KCNK2: variants seen among roughly 807,000 people sequenced by gnomAD.
The protein encoded by KCNK2 is potassium channel subfamily K member 2.
In KCNK2, 21 loss-of-function variants were observed where a neutral mutation model predicts 40.5. The ratio of observed to expected loss-of-function variants is 0.52; its 90% CI spans 0.37 to 0.75. The LOEUF (loss-of-function observed/expected upper bound fraction) is 0.75, where lower values mean the gene tolerates loss of function less well. Among genes scored for constraint, KCNK2 ranks in the 30% least tolerant of loss-of-function variants. The pLI is 0.00. For missense variants in KCNK2, 399 were observed against 531.6 expected, an observed-to-expected ratio of 0.75 and a Z score of 2.45; for synonymous variants, 191 against 202.2, an observed-to-expected ratio of 0.94 and a Z score of 0.47.
chr1:215,068,566 C>A (rs1658638658), intron 1 of KCNK2, among the ~76,000 whole-genome samples: 1 of 152,034 alleles, frequency 6.6e-6, no homozygotes, highest in South Asian at 2.1e-4. Flanking sequence ...GGGGTAGATA[C>A]AAAAACAAAC....
In KCNK2 at chr1:215,163,860, G is replaced by A. The variant is rs372273768; in HGVS notation, c.476-5339G>A. Among the ~76,000 whole-genome samples the A allele has an allele frequency of 2.6e-4, 40 of 152,202 alleles. 1 individual carries two copies. The South Asian group carries it at 7.9e-3, about 30-fold the overall frequency. Reference sequence around the variant, plus strand: ...GGATTTTTGCCTCGATGTTCATCAGGGATATTGGCCTGAATTTTTTTTGGC... The same window carrying A: ...GGATTTTTGCCTCGATGTTCATCAGAGATATTGGCCTGAATTTTTTTTGGC... On this transcript the variant is annotated intron_variant, in intron 3 of 6. Coordinates refer to ENST00000444842, the MANE Select transcript of KCNK2 (RefSeq NM_001017425.3).
chr1:215,093,469 C>T (rs1483906921), intron 2 of KCNK2, among the ~76,000 whole-genome samples: 3 of 103,830 alleles, frequency 2.9e-5, no homozygotes, highest in Non-Finnish European at 5.3e-5. Context: ...ATATAATGTA[C>T]ATATAATATA....
intron 1 of KCNK2, among the ~76,000 whole-genome samples, chr1:215,049,630 T>C (rs1657912456): frequency 6.6e-6 from 1 of 152,194 alleles, no homozygotes; most frequent in Non-Finnish European, 1.5e-5. Flanking sequence ...CTCTACATGT[T>C]ACAGTGAGGC....
In KCNK2 at chr1:215,010,868, T is replaced by TTG. The variant is rs1310617219; in HGVS notation, c.34+4941_34+4942dup. Among the ~76,000 whole-genome samples the TTG allele has an allele frequency of 2.6e-3, 351 of 135,700 alleles. 3 individuals carry two copies. The highest frequency in any genetic ancestry group is 0.019 in the East Asian group (88 of 4,544). 89.0% of individuals were successfully genotyped at this position (135,700 alleles called of 152,430 possible). On this transcript the variant is annotated intron_variant, in intron 1 of 6. Coordinates refer to the KCNK2 transcript ENST00000391895. Reference sequence around the variant, plus strand: ...GGACACAGATTTTTTTTTTTTTTTTTTGTGTGTGTGTGTGTGTGTGTGTGT... The same window carrying TTG: ...GGACACAGATTTTTTTTTTTTTTTTTTGTGTGTGTGTGTGTGTGTGTGTGTGT...
intron 2 of KCNK2, among the ~76,000 whole-genome samples, chr1:215,106,569 G>C (rs1352644646): frequency 6.6e-6 from 1 of 151,888 alleles, no homozygotes; most frequent in Non-Finnish European, 1.5e-5. Flanking sequence ...TTCTTTTCCT[G>C]GGCAGAAGCT....
chr1:215,230,583 CGTA>C (rs1558150416), intron 6 of KCNK2, among the ~76,000 whole-genome samples: 3 of 13,988 alleles, frequency 2.1e-4, no homozygotes, highest in East Asian at 1.7e-3. Context: ...TATACAAGAC[CGTA>C]ATATATATAT....
intron 3 of KCNK2, among the ~76,000 whole-genome samples, chr1:215,125,739 A>AATATATATATATATAT (rs66622204): frequency 1.6e-5 from 2 of 124,326 alleles, no homozygotes; most frequent in Non-Finnish European, 3.3e-5. Context: ...AAGTATAATA[A>AATATATATATATATAT]ATATATATAT....
At chr1:215,065,010 T>C (rs1658488526) in intron 1 of KCNK2, among the ~76,000 whole-genome samples, 2 of 152,214 alleles carry the variant, frequency 1.3e-5, no homozygotes, top group Admixed American at 6.6e-5. Context: ...TCTTTGAAAG[T>C]AATACAGGAT....
At position 215,054,500 on chromosome 1, in the gene KCNK2, T is replaced by C. The variant is rs145924925; in HGVS notation, c.35-31868T>C. Among the ~76,000 whole-genome samples, 651 of 152,306 alleles carry C rather than the reference T, an allele frequency of 4.3e-3. 9 individuals are homozygous for C. Among genetic ancestry groups the C allele is most frequent in the Admixed American group, 0.019 (286 of 15,302 alleles). ...AGGGAACTTAGCTTCCTCACACATA[T>C]ACCAGATGCATGTTTGAGATTTTCG... On this transcript the variant is annotated intron_variant, in intron 1 of 6. Transcript: ENST00000391895.
intron 3 of KCNK2, among the ~76,000 whole-genome samples, chr1:215,138,934 G>A (rs1662045671): frequency 1.3e-5 from 2 of 152,088 alleles, no homozygotes; most frequent in South Asian, 4.1e-4. Flanking sequence ...ATAAATCAAG[G>A]CAACTTAAGA....
At chr1:215,019,535 G>A (rs1295421623) in intron 1 of KCNK2, among the ~76,000 whole-genome samples, 1 of 152,048 alleles carries the variant, frequency 6.6e-6, no homozygotes, top group Non-Finnish European at 1.5e-5. Context: ...GTGTCTATGC[G>A]CTCATGGTTG....
chr1:215,184,552 G>A (rs985858325), intron 5 of KCNK2, among the ~76,000 whole-genome samples: 1 of 152,076 alleles, frequency 6.6e-6, no homozygotes, highest in Non-Finnish European at 1.5e-5. Context: ...AACATGGTTG[G>A]GGAGGCCTCA....
chr1:215,175,529 A>G (rs2102642196), intron 5 of KCNK2, among the ~76,000 whole-genome samples: 1 of 151,620 alleles, frequency 6.6e-6, no homozygotes, highest in Admixed American at 6.6e-5. Context: ...ATGGTGGTGT[A>G]TGTGCAGGTT....
At chr1:215,067,286 T>C (rs979891163) in intron 1 of KCNK2, among the ~76,000 whole-genome samples, 14 of 152,192 alleles carry the variant, frequency 9.2e-5, no homozygotes, top group Non-Finnish European at 2.1e-4. Flanking sequence ...GTACAATTAT[T>C]ATTTATCAAT....
chr1:215,120,921 T>A (rs552231883), intron 2 of KCNK2, among the ~76,000 whole-genome samples: 1 of 152,352 alleles, frequency 6.6e-6, no homozygotes, highest in South Asian at 2.1e-4. Flanking sequence ...CTTTTTTTGT[T>A]TGCTTGTTGT....
rs140032418 is a variant in KCNK2, at chr1:215,073,960, A to G, written c.35-12408A>G. Reference sequence around the variant, plus strand: ...GGGAAGCTAGTGCGGGATTTTAATGAGAAATTCAATACTTCAAGCCAGATT... The same window carrying G: ...GGGAAGCTAGTGCGGGATTTTAATGGGAAATTCAATACTTCAAGCCAGATT... On this transcript the variant is annotated intron_variant, in intron 1 of 6. Coordinates refer to the KCNK2 transcript ENST00000391895. Among the ~76,000 whole-genome samples, 363 of 152,280 alleles carry G rather than the reference A, an allele frequency of 2.4e-3. 3 individuals carry two copies. The highest frequency in any genetic ancestry group is 8.3e-3 in the African/African-American group (346 of 41,562).
rs113811813 is a variant in KCNK2 at position 215,072,523 on chromosome 1, T to C, written c.35-13845T>C. On this transcript the variant is annotated intron_variant, in intron 1 of 6. Transcript: ENST00000391895. ...ATTTCTTCTAAAAACAATTTGGATG[T>C]CAGGCTTCTCTTGAAAAGTTGGAAG... 4.5e-3 allele frequency among the ~76,000 whole-genome samples: 690 copies of C among 152,344 alleles called. 2 individuals are homozygous for C. The highest frequency in any genetic ancestry group is 0.016 in the African/African-American group (662 of 41,578).
chr1:215,177,576 A>G (rs1301669578), intron 5 of KCNK2, among the ~76,000 whole-genome samples: 1 of 151,526 alleles, frequency 6.6e-6, no homozygotes, highest in African/African-American at 2.4e-5. Context: ...TTTATATGCT[A>G]GCTAGCTATC....
At chr1:215,169,148 T>C (rs1479314723) in intron 3 of KCNK2, 51 bp from the exon 4 acceptor site, 2 of 1,442,612 alleles carry the variant, frequency 1.4e-6, no homozygotes, top group Non-Finnish European at 9.4e-7. Flanking sequence ...CTTGAGTTCA[T>C]ATGTTTTAAA....
Sources: gnomAD v4.1 joint callset for allele counts (sites outside exome capture counted in the v4.1 genomes callset) on GRCh38, gnomAD v4.1.1 for gene constraint, MANE v1.5 for transcripts, NCBI Gene and HGNC (gene_info 2026-07-23, HGNC 2026-07-21) for gene names.